DLEU7: variants seen among roughly 807,000 people sequenced by gnomAD.
DLEU7 encodes the protein leukemia-associated protein 7.
DLEU7 carries 17 observed loss-of-function variants against 16.0 expected under a neutral mutation model. The ratio of observed to expected loss-of-function variants is 1.06; its 90% CI spans 0.73 to 1.59. The LOEUF is 1.59. Among genes scored for constraint, DLEU7 ranks in the 40% most tolerant of loss-of-function variants. DLEU7 has a pLI of 0.00. For synonymous variants in DLEU7, 113 were observed against 139.8 expected, an observed-to-expected ratio of 0.81 and a Z score of 1.35; for missense variants, 308 against 314.9, an observed-to-expected ratio of 0.98 and a Z score of 0.17.
At chr13:50,720,592 A>G (rs1322317578) in intron 1 of DLEU7, among the ~76,000 whole-genome samples, 1 of 152,224 alleles carries the variant, frequency 6.6e-6, no homozygotes, top group Non-Finnish European at 1.5e-5. Context: ...ATTACTTAGC[A>G]GATTAACAAA....
chr13:50,761,107 A>G (rs1874915062), intron 1 of DLEU7, among the ~76,000 whole-genome samples: 2 of 152,198 alleles, frequency 1.3e-5, no homozygotes, highest in African/African-American at 2.4e-5. Context: ...AGACCATGAA[A>G]GACTGAATTG....
intron 1 of DLEU7, among the ~76,000 whole-genome samples, chr13:50,827,886 CT>C (rs1198173144): frequency 6.6e-6 from 1 of 152,078 alleles, no homozygotes; most frequent in Non-Finnish European, 1.5e-5. Flanking sequence ...GTTTTATATG[CT>C]GTTTACAAGA....
chr13:50,779,856 C>T (rs930986219), intron 1 of DLEU7, among the ~76,000 whole-genome samples: 10 of 152,070 alleles, frequency 6.6e-5, no homozygotes, highest in African/African-American at 7.2e-5. Flanking sequence ...TGTTCTGATT[C>T]GTCAAAGAGA....
rs995052959 is a variant in DLEU7 at position 50,725,864 on chromosome 13, A to G, written c.460-12624T>C. 3.3e-5 allele frequency among the ~76,000 whole-genome samples: 5 copies of G among 152,178 alleles called. No homozygotes were observed. The East Asian group carries it at 9.6e-4, about 29-fold the overall frequency. The stretch of plus-strand genomic sequence containing the variant: ...GTCAAACAATTATTTTACCAGTTTA[A>G]GAGGTATTCTATGACTATTAACAAA... On this transcript the variant is annotated intron_variant, in intron 1 of 1. Coordinates refer to the DLEU7 transcript ENST00000400393.
intron 1 of DLEU7, among the ~76,000 whole-genome samples, chr13:50,833,647 A>T (rs1175183755): frequency 6.6e-6 from 1 of 152,228 alleles, no homozygotes; most frequent in African/African-American, 2.4e-5. Context: ...TGCTATTCCC[A>T]TCAAGCTACC....
Position 50,726,814 on chromosome 13 carries a change from C to T in DLEU7, c.460-13574G>A, listed in dbSNP as rs760843159. On this transcript the variant is annotated intron_variant, in intron 1 of 1. Coordinates refer to the DLEU7 transcript ENST00000400393. This position sits in a 1 kb window ranked among gnomAD's most constrained non-coding sequence, Gnocchi z 4.0. ...TGGGCCTCAGGAAATGAAGATGGAA[C>T]CAGCTCCACTCATAACTGAGCCTGG... is the stretch of plus-strand genomic sequence containing the variant. Among the ~76,000 whole-genome samples, 4 of 152,146 alleles carry T rather than the reference C, an allele frequency of 2.6e-5. No individual in the cohort carries two copies. The highest frequency in any genetic ancestry group is 4.4e-5 in the Non-Finnish European group (3 of 68,018).
At chr13:50,799,796 C>G (rs184315579) in intron 1 of DLEU7, among the ~76,000 whole-genome samples, 24 of 152,148 alleles carry the variant, frequency 1.6e-4, no homozygotes, top group African/African-American at 5.8e-4. Flanking sequence ...CTTCTCTTTC[C>G]TCTGCTTATG....
intron 1 of DLEU7, among the ~76,000 whole-genome samples, chr13:50,763,268 T>G (rs1439340083): frequency 1.3e-5 from 2 of 152,108 alleles, no homozygotes; most frequent in Non-Finnish European, 2.9e-5. Flanking sequence ...TAAAAGAGAT[T>G]GGGAACCACT....
chr13:50,784,558 G>A (rs2137768212), intron 1 of DLEU7, among the ~76,000 whole-genome samples: 1 of 152,310 alleles, frequency 6.6e-6, no homozygotes, highest in South Asian at 2.1e-4. Context: ...CACAGAGCAT[G>A]TCACACTCAG....
At chr13:50,812,971 C>T (rs2137792236) in intron 1 of DLEU7, 1 of 152,118 alleles carries the variant, frequency 6.6e-6, no homozygotes, top group Middle Eastern at 3.4e-3. Context: ...GATAAAACAC[C>T]AAATAAATTT....
chr13:50,822,471 C>G (rs1032561318), downstream of DLEU7, among the ~76,000 whole-genome samples: 2 of 149,180 alleles, frequency 1.3e-5, no homozygotes, highest in Non-Finnish European at 3.0e-5. Context: ...TTAGTTTTTC[C>G]GAAGTATGTG....
At chr13:50,736,810 T>C (rs910090130) in intron 1 of DLEU7, among the ~76,000 whole-genome samples, 7 of 151,718 alleles carry the variant, frequency 4.6e-5, no homozygotes, top group African/African-American at 1.7e-4. Context: ...ACACAAAGTA[T>C]TAATACCACC....
chr13:50,838,734 T>C (rs1400086844), intron 1 of DLEU7, among the ~76,000 whole-genome samples: 2 of 152,132 alleles, frequency 1.3e-5, no homozygotes, highest in Non-Finnish European at 2.9e-5. Context: ...GTGACTGTAT[T>C]TGGAGATATG....
At chr13:50,822,491 G>A, downstream of DLEU7, 1 of 301,192 alleles carries the variant, frequency 3.3e-6, no homozygotes, top group Non-Finnish European at 4.4e-6. Flanking sequence ...GTGGACTGTT[G>A]TTGAAAAAAA....
intron 1 of DLEU7, among the ~76,000 whole-genome samples, chr13:50,750,326 TG>T (rs1874525588): frequency 6.6e-6 from 1 of 152,242 alleles, no homozygotes; most frequent in Admixed American, 6.5e-5. Context: ...CATGCTGTTT[TG>T]GTGACTATAG....
chr13:50,772,388 T>G (rs1326557081), intron 1 of DLEU7, among the ~76,000 whole-genome samples: 1 of 152,224 alleles, frequency 6.6e-6, no homozygotes, highest in Non-Finnish European at 1.5e-5. Context: ...TGGCATGTTT[T>G]TGCAGTGGCT....
At chr13:50,770,468 A>AT (rs2137755360) in intron 1 of DLEU7, among the ~76,000 whole-genome samples, 1 of 152,172 alleles carries the variant, frequency 6.6e-6, no homozygotes, top group South Asian at 2.1e-4. Context: ...TTTATTGAGA[A>AT]TTTTTATCAT....
At chr13:50,842,019 A>G (rs917906421) in intron 1 of DLEU7, among the ~76,000 whole-genome samples, 2 of 151,554 alleles carry the variant, frequency 1.3e-5, no homozygotes, top group Non-Finnish European at 2.9e-5. Flanking sequence ...TGCTGCTGGC[A>G]TCTAACAGGT....
chr13:50,775,843 C>CT (rs1455535887), intron 1 of DLEU7, among the ~76,000 whole-genome samples: 8 of 152,298 alleles, frequency 5.3e-5, no homozygotes, highest in South Asian at 2.1e-4. Flanking sequence ...CCATTAGTCT[C>CT]TTTTTTATAA....
Sources: allele counts gnomAD v4.1 joint callset (sites outside exome capture counted in the v4.1 genomes callset), GRCh38; gene constraint gnomAD v4.1.1; non-coding constraint Gnocchi (gnomAD v3.1); transcripts MANE v1.5; gene names NCBI Gene and HGNC (gene_info 2026-07-23, HGNC 2026-07-21).